Variants in LPCAT2 observed in about 807,000 individuals in gnomAD.
LPCAT2 encodes lysophosphatidylcholine acyltransferase 2.
Under a neutral mutation model 64.7 loss-of-function variants are expected in LPCAT2, and 58 were observed. That is an observed-to-expected ratio of 0.90 (90% CI 0.73 to 1.12). LPCAT2 has a LOEUF of 1.12. LPCAT2 is among the 50% of genes most tolerant of loss of function. The pLI is 0.00. For missense variants in LPCAT2, 579 were observed against 669.8 expected (o/e 0.86, Z 1.50); for synonymous variants, 252 against 245.3 (o/e 1.03, Z -0.26).
chr16:55,578,040 C>T (rs1212990286), intron 12 of LPCAT2, among the ~76,000 whole-genome samples: 1 of 152,142 alleles, frequency 6.6e-6, no homozygotes, highest in Admixed American at 6.6e-5. Flanking sequence ...GTTAGCATCT[C>T]TTCCTCTTTC....
intron 8 of LPCAT2, chr16:55,540,808 T>C: frequency 5.5e-6 from 1 of 182,796 alleles, no homozygotes; most frequent in Non-Finnish European, 1.1e-5. Context: ...CTATATATAC[T>C]AACTTTTGTC....
At chr16:55,551,976 CTT>C (rs1963523073) in intron 11 of LPCAT2, among the ~76,000 whole-genome samples, 1 of 152,104 alleles carries the variant, frequency 6.6e-6, no homozygotes, top group African/African-American at 2.4e-5. Context: ...AAAATGCACT[CTT>C]TTGGTTACAG....
intron 1 of LPCAT2, among the ~76,000 whole-genome samples, chr16:55,512,991 C>T (rs917349952): frequency 1.3e-5 from 2 of 152,114 alleles, no homozygotes; most frequent in African/African-American, 2.4e-5. Flanking sequence ...GGACAGAAAT[C>T]AACATTCTTT....
chr16:55,566,875 T>G, intron 11 of LPCAT2: 1 of 1,613,760 alleles, frequency 6.2e-7, no homozygotes. Flanking sequence ...ATTGGAGGGA[T>G]AGTTGGAGGA....
At chr16:55,550,269 A>G (rs1249096655) in intron 10 of LPCAT2, among the ~76,000 whole-genome samples, 1 of 152,226 alleles carries the variant, frequency 6.6e-6, no homozygotes, top group Non-Finnish European at 1.5e-5. Context: ...CAAAGCAAAG[A>G]TAGGCTATGA....
rs1395661121 is a variant in LPCAT2 at position 55,586,441 on chromosome 16, A to G, written c.*3343A>G. The G allele has an allele frequency of 7.0e-6, 1 of 142,438 alleles. No individual in the cohort carries two copies. The highest frequency in any genetic ancestry group is 2.9e-5 in the African/African-American group (1 of 34,232). 8.8% of individuals were successfully genotyped at this position (142,438 alleles called of 1,614,324 possible). Reference sequence around the variant, plus strand: ...CATTAGCAAAATTTAAAAGATAGAGAAAAATATAAACAGAAAAAATTATGT... The same window carrying G: ...CATTAGCAAAATTTAAAAGATAGAGGAAAATATAAACAGAAAAAATTATGT... On this transcript the variant is annotated 3_prime_UTR_variant, in exon 14 of 14. Coordinates refer to ENST00000262134, the MANE Select transcript of LPCAT2 (RefSeq NM_017839.5).
At chr16:55,518,623 T>A (rs1156629574) in intron 1 of LPCAT2, among the ~76,000 whole-genome samples, 1 of 152,218 alleles carries the variant, frequency 6.6e-6, no homozygotes, top group Non-Finnish European at 1.5e-5. Flanking sequence ...AGAAGTAAAT[T>A]CATACGTCTG....
chr16:55,536,178 C>T (rs1426576460), intron 7 of LPCAT2, among the ~76,000 whole-genome samples: 2 of 152,126 alleles, frequency 1.3e-5, no homozygotes, highest in African/African-American at 4.8e-5. Flanking sequence ...TGCCCTTGCT[C>T]AAAGTGCTAC....
intron 13 of LPCAT2, among the ~76,000 whole-genome samples, chr16:55,580,708 C>T (rs1381118953): frequency 6.6e-6 from 1 of 152,088 alleles, no homozygotes; most frequent in Non-Finnish European, 1.5e-5. Context: ...GGCCATGGAC[C>T]GGTGCCGATC....
intron 9 of LPCAT2, 55 bp downstream of exon 9, chr16:55,545,872 T>C (rs1963447991): frequency 2.8e-6 from 4 of 1,403,520 alleles, no homozygotes; most frequent in Non-Finnish European, 4.0e-6. Context: ...TATTTGTGCA[T>C]GTCGTTTAAC....
At chr16:55,513,269 T>C (rs1368728584) in intron 1 of LPCAT2, among the ~76,000 whole-genome samples, 2 of 151,882 alleles carry the variant, frequency 1.3e-5, no homozygotes, top group African/African-American at 4.8e-5. Flanking sequence ...AGCAGAGAAA[T>C]AGAAAATGTA....
chr16:55,537,002 TA>T (rs1280492584), intron 7 of LPCAT2, among the ~76,000 whole-genome samples: 4 of 152,238 alleles, frequency 2.6e-5, no homozygotes, highest in Non-Finnish European at 2.9e-5. Flanking sequence ...TGATTTTTTT[TA>T]ATGTCAAAAA....
At chr16:55,578,477 T>C (rs1228150585) in intron 12 of LPCAT2, among the ~76,000 whole-genome samples, 1 of 152,170 alleles carries the variant, frequency 6.6e-6, no homozygotes, top group Non-Finnish European at 1.5e-5. Context: ...CCCTTATTGA[T>C]ATGCAAGTCT....
chr16:55,534,340 T>C (rs1009594503), intron 6 of LPCAT2, 103 bp from the exon 7 acceptor site: 2 of 741,586 alleles, frequency 2.7e-6, no homozygotes, highest in Admixed American at 2.1e-5. Context: ...ATGTTGCTTT[T>C]AATTTCAGAA....
chr16:55,521,699 A>G (rs1169791157), intron 1 of LPCAT2, among the ~76,000 whole-genome samples: 1 of 151,906 alleles, frequency 6.6e-6, no homozygotes, highest in East Asian at 1.9e-4. Context: ...TCCAATTTCA[A>G]TGTAATTCAC....
rs1452347726 is a variant in LPCAT2, at chr16:55,551,073, T to C, written c.1186T>C (p.Leu396=). Residue 396 remains leucine (L), a synonymous_variant, in exon 11 of 14, where the codon TTG becomes CTG. Coordinates refer to ENST00000262134, the MANE Select transcript of LPCAT2 (RefSeq NM_017839.5). Reference sequence around the variant, plus strand: ...TTTAAAGTTGCCTGTTTCAGATGTCTTGAGACAACTTTTTGCACTCTTTGA... The same window carrying C: ...TTTAAAGTTGCCTGTTTCAGATGTCCTGAGACAACTTTTTGCACTCTTTGA... ...KYLKLPVSDV[L]RQLFALFDRN... 4 of 1,612,582 alleles carry C rather than the reference T, an allele frequency of 2.5e-6. No homozygotes were observed. The Admixed American group carries it at 5.0e-5, about 20-fold the overall frequency.
At chr16:55,567,474 G>T in intron 11 of LPCAT2, 1 of 1,613,656 alleles carries the variant, frequency 6.2e-7, no homozygotes, top group Non-Finnish European at 8.5e-7. Flanking sequence ...GTCTATCAAA[G>T]AATGGCTGCA....
chr16:55,531,024 G>A (rs1225001766), intron 4 of LPCAT2, among the ~76,000 whole-genome samples: 1 of 151,994 alleles, frequency 6.6e-6, no homozygotes, highest in Non-Finnish European at 1.5e-5. Context: ...TAGTAGTTTA[G>A]TTGTTGAATT....
At position 55,586,281 on chromosome 16, in the gene LPCAT2, C is replaced by T. The variant is rs1963944979; in HGVS notation, c.*3183C>T. The T allele has an allele frequency of 6.6e-6, 1 of 152,144 alleles. No individual in the cohort carries two copies. The highest frequency in any genetic ancestry group is 2.4e-5 in the African/African-American group (1 of 41,458). 9.4% of individuals were successfully genotyped at this position (152,144 alleles called of 1,614,324 possible). The stretch of plus-strand genomic sequence containing the variant: ...TTTCTAGGTAATCGTTCTCTCTCAA[C>T]AAACTTCTCAAGCGTCTGTGTAACA... On this transcript the variant is annotated 3_prime_UTR_variant, in exon 14 of 14. Coordinates refer to ENST00000262134, the MANE Select transcript of LPCAT2 (RefSeq NM_017839.5).
Sources: gnomAD v4.1 joint callset for allele counts (sites outside exome capture counted in the v4.1 genomes callset) on GRCh38, gnomAD v4.1.1 for gene constraint, MANE v1.5 for transcripts, NCBI Gene and HGNC (gene_info 2026-07-23, HGNC 2026-07-21) for gene names.